Variants in DIO1 observed in about 807,000 individuals in gnomAD.
DIO1 encodes type I iodothyronine deiodinase.
In DIO1, 17 loss-of-function variants were observed where a neutral mutation model predicts 25.9. The observed-to-expected ratio is 0.66, with a 90% confidence interval of 0.45 to 0.98. The LOEUF is 0.98. DIO1 is among the 50% of genes least tolerant of loss of function. The pLI, the probability that DIO1 is intolerant of heterozygous loss-of-function variation, is 0.00. For missense variants in DIO1, 270 were observed against 310.4 expected, an observed-to-expected ratio of 0.87 and a Z score of 0.98; for synonymous variants, 115 against 114.0, an observed-to-expected ratio of 1.01 and a Z score of -0.05.
At chr1:53,907,395 C>T (rs1250631168) in intron 3 of DIO1, among the ~76,000 whole-genome samples, 1 of 152,094 alleles carries the variant, frequency 6.6e-6, no homozygotes, top group Non-Finnish European at 1.5e-5. Context: ...GCTCCTCTGT[C>T]CACAGATCAA....
intron 1 of DIO1, chr1:53,902,913 A>G (rs1174168640): frequency 6.6e-6 from 1 of 151,624 alleles, no homozygotes; most frequent in Non-Finnish European, 1.5e-5. Flanking sequence ...TTTATCTTTG[A>G]ATCTGCATTT....
At chr1:53,908,485 G>A (rs1211537746) in intron 3 of DIO1, among the ~76,000 whole-genome samples, 1 of 152,212 alleles carries the variant, frequency 6.6e-6, no homozygotes, top group Non-Finnish European at 1.5e-5. Context: ...AAGCATGTGA[G>A]GCATCAGGAC....
intron 3 of DIO1, among the ~76,000 whole-genome samples, chr1:53,908,639 G>A (rs1232762494): frequency 6.6e-6 from 1 of 152,166 alleles, no homozygotes; most frequent in Non-Finnish European, 1.5e-5. Context: ...ATAGGGAAGA[G>A]GGTGGGTGGA....
chr1:53,907,227 T>C (rs2100780705), intron 3 of DIO1, among the ~76,000 whole-genome samples: 1 of 152,322 alleles, frequency 6.6e-6, no homozygotes, highest in East Asian at 1.9e-4. Flanking sequence ...TTGCTTCCTC[T>C]CAAAAGTTCC....
Position 53,906,306 on chromosome 1 carries a change from G to A in DIO1, c.681+12G>A. The stretch of plus-strand genomic sequence containing the variant: ...GGATCCTCTACAAGGTGGTGACCTG[G>A]GGACAGGGGGCCCAGGGAGGGCAAA... On this transcript the variant is annotated intron_variant, in intron 3 of 3. Transcript: ENST00000361921. 1.2e-6 allele frequency: 2 copies of A among 1,602,640 alleles called. No homozygotes were observed. Among genetic ancestry groups the A allele is most frequent in the South Asian group, 2.2e-5 (2 of 90,460 alleles).
intron 1 of DIO1, among the ~76,000 whole-genome samples, chr1:53,897,630 T>C (rs182304470): frequency 6.6e-6 from 1 of 152,218 alleles, no homozygotes; most frequent in Non-Finnish European, 1.5e-5. Flanking sequence ...AGTGGGAGGA[T>C]TGCTTGAACC....
chr1:53,904,625 G>A (rs1431406932), intron 1 of DIO1, 41 bp from the exon 2 acceptor site: 1 of 1,598,914 alleles, frequency 6.3e-7, no homozygotes, highest in Non-Finnish European at 8.5e-7. Flanking sequence ...AAAGAAAGCT[G>A]TGTGTAGGGT....
At chr1:53,906,892 G>C (rs1376096134) in intron 3 of DIO1, among the ~76,000 whole-genome samples, 1 of 152,202 alleles carries the variant, frequency 6.6e-6, no homozygotes, top group Non-Finnish European at 1.5e-5. Context: ...GGCCTCAAGT[G>C]ATCTGCCCGC....
intron 3 of DIO1, among the ~76,000 whole-genome samples, chr1:53,909,001 C>T (rs1029320595): frequency 2.4e-4 from 36 of 147,446 alleles, no homozygotes; most frequent in Admixed American, 2.2e-3. Flanking sequence ...GGCTGAGGCA[C>T]GAGAATTGTT....
chr1:53,899,608 C>T (rs946167826), intron 1 of DIO1, among the ~76,000 whole-genome samples: 4 of 152,202 alleles, frequency 2.6e-5, no homozygotes, highest in African/African-American at 9.6e-5. Flanking sequence ...GAGTTTTTTT[C>T]CCAATTAAAA....
chr1:53,905,278 G>A (rs142506988), intron 2 of DIO1, among the ~76,000 whole-genome samples: 33 of 147,676 alleles, frequency 2.2e-4, no homozygotes, highest in African/African-American at 5.4e-4. Flanking sequence ...GGGCTAAATC[G>A]ATCCTCCTGT....
At chr1:53,902,088 A>G (rs1237769428) in intron 1 of DIO1, among the ~76,000 whole-genome samples, 2 of 150,374 alleles carry the variant, frequency 1.3e-5, no homozygotes, top group African/African-American at 5.0e-5. Context: ...GGTTCCTGCC[A>G]GTGGTTTTGT....
intron 1 of DIO1, among the ~76,000 whole-genome samples, chr1:53,898,885 A>G (rs1162794730): frequency 6.6e-6 from 1 of 152,210 alleles, no homozygotes; most frequent in African/African-American, 2.4e-5. Context: ...TTTACTGATA[A>G]TCTAAAGCAA....
chr1:53,903,544 A>T (rs1346900239), intron 1 of DIO1, among the ~76,000 whole-genome samples: 4 of 151,882 alleles, frequency 2.6e-5, no homozygotes, highest in African/African-American at 4.9e-5. Context: ...ACTACAGAAG[A>T]TTAGAAATGT....
chr1:53,894,225 G>A lies in DIO1; in HGVS notation c.15G>A (p.Gln5=). The A allele has an allele frequency of 6.2e-7, 1 of 1,613,756 alleles. No homozygotes were observed. Among genetic ancestry groups the A allele is most frequent in the East Asian group, 2.2e-5 (1 of 44,876 alleles). The stretch of plus-strand genomic sequence containing the variant: ...GCTTTGCCGAGATGGGGCTGCCCCA[G>A]CCAGGGCTGTGGCTGAAGAGGCTCT... The part of the protein sequence containing the change: MGLP[Q]PGLWLKRLWV... Residue 5 remains glutamine, a synonymous_variant, in exon 1 of 4, where the codon CAG becomes CAA. Transcript: ENST00000361921. The surrounding 1 kb of genome is among the most constrained non-coding windows in gnomAD (Gnocchi z 4.9).
intron 2 of DIO1, among the ~76,000 whole-genome samples, chr1:53,905,075 T>A (rs1363368212): frequency 2.6e-5 from 4 of 151,342 alleles, no homozygotes; most frequent in Admixed American, 2.6e-4. Context: ...ATCGGATAAA[T>A]AGGGAAGTCA....
At chr1:53,899,905 G>T (rs1021038653) in intron 1 of DIO1, among the ~76,000 whole-genome samples, 7 of 152,072 alleles carry the variant, frequency 4.6e-5, no homozygotes, top group African/African-American at 1.7e-4. Flanking sequence ...CCTAAAGAGT[G>T]ACAGAGTGAC....
In DIO1 at chr1:53,904,703, C is replaced by A. The variant is rs1202817990; in HGVS notation, c.375C>A (p.Thr125=). ...RPLVLNFGSC[T]UPSFMFKFDQ... The stretch of plus-strand genomic sequence containing the variant: ...TGGTGCTGAATTTTGGAAGTTGTAC[C>A]TGACCTTCATTTATGTTCAAATTTG... Residue 125 remains threonine, a synonymous_variant, in exon 2 of 4, where the codon ACC becomes ACA. Transcript: ENST00000361921. The A allele has an allele frequency of 1.2e-6, 2 of 1,613,588 alleles. No individual in the cohort carries two copies. The highest frequency in any genetic ancestry group is 2.2e-5 in the South Asian group (2 of 90,936).
Position 53,905,575 on chromosome 1 carries a change from G to A in DIO1, c.482-520G>A, listed in dbSNP as rs532350164. On this transcript the variant is annotated intron_variant, in intron 2 of 3. Transcript: ENST00000361921. ...GAATCATCTGGAAGGCTGTTAAAACGCAGATGTCTGGGTCCCATTTCTAGT... is the reference window on the plus strand; with the variant it reads ...GAATCATCTGGAAGGCTGTTAAAACACAGATGTCTGGGTCCCATTTCTAGT... Among the ~76,000 whole-genome samples the A allele has an allele frequency of 1.2e-4, 18 of 152,318 alleles. No individual in the cohort carries two copies. In the South Asian group the frequency reaches 2.9e-3, roughly 25 times the overall value.
Sources: allele counts gnomAD v4.1 joint callset (sites outside exome capture counted in the v4.1 genomes callset), GRCh38; gene constraint gnomAD v4.1.1; non-coding constraint Gnocchi (gnomAD v3.1); transcripts MANE v1.5; gene names NCBI Gene and HGNC (gene_info 2026-07-23, HGNC 2026-07-21).